The following IGSF21 variants were observed in gnomAD, a reference collection of about 807,000 sequenced individuals.
IGSF21 encodes the protein immunoglobulin superfamily member 21.
A neutral mutation model predicts 46.8 loss-of-function variants in IGSF21; 28 were observed. The ratio of observed to expected loss-of-function variants is 0.60; its 90% CI spans 0.44 to 0.82. The LOEUF is 0.82. Ranked by LOEUF, IGSF21 falls within the 40% of genes least tolerant of loss-of-function variation. The pLI is 0.00. For synonymous variants in IGSF21, 284 were observed against 273.6 expected (o/e 1.04, Z -0.38); for missense variants, 624 against 665.5 (o/e 0.94, Z 0.69).
At chr1:18,186,887 G>A (rs1303470728) in intron 1 of IGSF21, among the ~76,000 whole-genome samples, 1 of 152,054 alleles carries the variant, frequency 6.6e-6, no homozygotes, top group East Asian at 1.9e-4. Flanking sequence ...GCTCACTGAT[G>A]GAGGCCTTCC....
At chr1:18,258,994 C>A (rs1368343382) in intron 2 of IGSF21, among the ~76,000 whole-genome samples, 2 of 152,220 alleles carry the variant, frequency 1.3e-5, no homozygotes, top group African/African-American at 4.8e-5. Context: ...CTCTCTCTCC[C>A]TTTGGCCTCT....
chr1:18,113,120 G>A (rs1343497374), intron 1 of IGSF21: 1 of 152,216 alleles, frequency 6.6e-6, no homozygotes. Flanking sequence ...TTCATCACTG[G>A]AAAGGGAGTA....
rs2084985692 is a variant in IGSF21 at position 18,265,938 on chromosome 1, G to A, written c.184-25928G>A. ...TTTCCTCCTGAGCCATAGAGATTAA[G>A]AGCTTGGAGGTGCCCACTGAGGGAG... On this transcript the variant is annotated intron_variant, in intron 2 of 9. Coordinates refer to ENST00000251296, the MANE Select transcript of IGSF21 (RefSeq NM_032880.5). 5.3e-5 allele frequency among the ~76,000 whole-genome samples: 8 copies of A among 152,168 alleles called. No individual in the cohort carries two copies. The South Asian group carries it at 1.5e-3, about 28-fold the overall frequency.
chr1:18,112,347 T>C (rs777316005), intron 1 of IGSF21: 13 of 152,274 alleles, frequency 8.5e-5, no homozygotes, highest in East Asian at 1.9e-4. Flanking sequence ...CCTGCCTCTA[T>C]GGTGTTTAAG....
intron 4 of IGSF21, among the ~76,000 whole-genome samples, chr1:18,359,383 A>AAAGGAAGGAAGGAAGGAAGGAAGGAAGG (rs1202935647): frequency 1.6e-5 from 1 of 61,030 alleles, no homozygotes; most frequent in Non-Finnish European, 3.2e-5. Flanking sequence ...AGAAAGAAAG[A>AAAGGAAGGAAGGAAGGAAGGAAGGAAGG]AAGGAAGGAA....
chr1:18,261,144 G>A (rs1247022329), intron 2 of IGSF21, among the ~76,000 whole-genome samples: 1 of 152,226 alleles, frequency 6.6e-6, no homozygotes, highest in African/African-American at 2.4e-5. Flanking sequence ...ACTTCAGCCA[G>A]GCCAAGCATC....
chr1:18,301,053 CA>C (rs1214850321), intron 3 of IGSF21, among the ~76,000 whole-genome samples: 1 of 152,162 alleles, frequency 6.6e-6, no homozygotes, highest in East Asian at 1.9e-4. Flanking sequence ...ATTATCATTT[CA>C]AACAGTTAGC....
chr1:18,301,226 C>G (rs953961261), intron 3 of IGSF21, among the ~76,000 whole-genome samples: 4 of 152,230 alleles, frequency 2.6e-5, no homozygotes, highest in Admixed American at 6.5e-5. Flanking sequence ...AACGCCCAAG[C>G]TGTGGCACTC....
chr1:18,226,509 G>A (rs1487489506), intron 1 of IGSF21, among the ~76,000 whole-genome samples: 1 of 152,180 alleles, frequency 6.6e-6, no homozygotes, highest in Non-Finnish European at 1.5e-5. Flanking sequence ...GGCTATCCAG[G>A]GGCTTGACCT....
intron 2 of IGSF21, among the ~76,000 whole-genome samples, chr1:18,237,393 CA>C (rs2084683238): frequency 6.6e-6 from 1 of 152,164 alleles, no homozygotes; most frequent in Non-Finnish European, 1.5e-5. Context: ...TGCCCATCAT[CA>C]AGTTGTTAAG....
chr1:18,290,999 C>T lies in IGSF21; in HGVS notation c.184-867C>T, dbSNP rs142383362. On this transcript the variant is annotated intron_variant, in intron 2 of 9. Coordinates refer to ENST00000251296, the MANE Select transcript of IGSF21 (RefSeq NM_032880.5). The surrounding 1 kb of genome is among the most constrained non-coding windows in gnomAD (Gnocchi z 4.2). ...TCTATAATAGAGTTGCTGAGACAAG[C>T]GGAAAAACTGCAGCCGAGTAAACAG... Among the ~76,000 whole-genome samples the T allele has an allele frequency of 2.6e-5, 4 of 152,168 alleles. No homozygotes were observed. The highest frequency in any genetic ancestry group is 2.0e-4 in the Admixed American group (3 of 15,274).
intron 2 of IGSF21, among the ~76,000 whole-genome samples, chr1:18,268,804 C>T (rs1379096574): frequency 6.6e-6 from 1 of 152,180 alleles, no homozygotes; most frequent in African/African-American, 2.4e-5. Context: ...AGAGCTGTCC[C>T]ACAGGCTTAT....
chr1:18,258,332 C>A (rs556285003), intron 2 of IGSF21, among the ~76,000 whole-genome samples: 1 of 152,172 alleles, frequency 6.6e-6, no homozygotes, highest in Non-Finnish European at 1.5e-5. Context: ...GATTAAGGAG[C>A]AGAATGTCCC....
chr1:18,366,952 G>C (rs1217224019), intron 6 of IGSF21, among the ~76,000 whole-genome samples: 1 of 152,192 alleles, frequency 6.6e-6, no homozygotes, highest in Non-Finnish European at 1.5e-5. Flanking sequence ...CCAGTTGTTT[G>C]TATGGACTGG....
chr1:18,118,161 T>C (rs960483593), intron 1 of IGSF21, among the ~76,000 whole-genome samples: 1 of 152,208 alleles, frequency 6.6e-6, no homozygotes, highest in African/African-American at 2.4e-5. Flanking sequence ...TGCCAAGCTG[T>C]TCCCTTTGCC....
At chr1:18,309,007 T>G (rs920018665) in intron 3 of IGSF21, among the ~76,000 whole-genome samples, 26 of 151,850 alleles carry the variant, frequency 1.7e-4, no homozygotes, top group African/African-American at 5.3e-4. Context: ...TATTGCTACC[T>G]CCAAGGAGGG....
chr1:18,312,379 G>A (rs1429870961), intron 3 of IGSF21, among the ~76,000 whole-genome samples: 1 of 152,190 alleles, frequency 6.6e-6, no homozygotes, highest in Non-Finnish European at 1.5e-5. Context: ...TGTTGTGTTA[G>A]CTTTTTATTG....
intron 1 of IGSF21, among the ~76,000 whole-genome samples, chr1:18,200,937 C>G (rs368656385): frequency 6.6e-6 from 1 of 152,126 alleles, no homozygotes; most frequent in African/African-American, 2.4e-5. Flanking sequence ...GCTGCGCTAT[C>G]CTGTTCTGTG....
At chr1:18,162,941 C>A (rs1398076855) in intron 1 of IGSF21, among the ~76,000 whole-genome samples, 1 of 152,060 alleles carries the variant, frequency 6.6e-6, no homozygotes, top group Non-Finnish European at 1.5e-5. Context: ...CTTGGGGGAC[C>A]AGGATCATGT....
Sources: allele counts gnomAD v4.1 joint callset (sites outside exome capture counted in the v4.1 genomes callset), GRCh38; gene constraint gnomAD v4.1.1; non-coding constraint Gnocchi (gnomAD v3.1); transcripts MANE v1.5; gene names NCBI Gene and HGNC (gene_info 2026-07-23, HGNC 2026-07-21).